GALNTL6: variants seen among roughly 807,000 people sequenced by gnomAD.
The protein encoded by GALNTL6 is polypeptide N-acetylgalactosaminyltransferase-like 6.
Under a neutral mutation model 73.7 loss-of-function variants are expected in GALNTL6, and 46 were observed. The observed-to-expected ratio is 0.62, with a 90% confidence interval of 0.49 to 0.80. The LOEUF is 0.80. Ranked by LOEUF, GALNTL6 falls within the 30% of genes least tolerant of loss-of-function variation. The probability of loss-of-function intolerance (pLI) is 0.00; values close to 1 mark genes in which losing one functional copy is unlikely to be tolerated. For missense variants in GALNTL6, 604 were observed against 755.0 expected, an observed-to-expected ratio of 0.80 and a Z score of 2.34; for synonymous variants, 259 against 263.7, an observed-to-expected ratio of 0.98 and a Z score of 0.17.
chr4:171,966,253 T>C (rs1383525727), intron 2 of GALNTL6, among the ~76,000 whole-genome samples: 2 of 152,148 alleles, frequency 1.3e-5, no homozygotes, highest in East Asian at 3.9e-4. Context: ...GCTGAATAGG[T>C]TTCTAAGACC....
chr4:172,023,993 A>T (rs1335879434), intron 2 of GALNTL6, among the ~76,000 whole-genome samples: 1 of 151,924 alleles, frequency 6.6e-6, no homozygotes, highest in Admixed American at 6.6e-5. Flanking sequence ...TCATTCATTT[A>T]AAAAATATAT....
intron 5 of GALNTL6, among the ~76,000 whole-genome samples, chr4:172,438,814 C>G (rs1731729562): frequency 1.3e-5 from 2 of 152,022 alleles, no homozygotes; most frequent in Non-Finnish European, 2.9e-5. Context: ...TACTTCTCGA[C>G]TTACCCACAC....
At chr4:172,328,027 C>T (rs920249783) in intron 4 of GALNTL6, among the ~76,000 whole-genome samples, 6 of 152,000 alleles carry the variant, frequency 3.9e-5, no homozygotes, top group African/African-American at 7.3e-5. Context: ...TGCTAACAAT[C>T]TTCCCTTTTC....
At chr4:172,481,044 G>A (rs1054568344) in intron 5 of GALNTL6, among the ~76,000 whole-genome samples, 8 of 152,198 alleles carry the variant, frequency 5.3e-5, no homozygotes, top group South Asian at 2.1e-4. Flanking sequence ...GAATGAAGCC[G>A]TGGACTATCG....
intron 2 of GALNTL6, among the ~76,000 whole-genome samples, chr4:172,055,306 T>G (rs975214005): frequency 6.6e-6 from 1 of 152,128 alleles, no homozygotes; most frequent in Non-Finnish European, 1.5e-5. Flanking sequence ...AGTGGGCATT[T>G]GGTTGTATTA....
At chr4:172,314,540 A>T (rs1229977114) in intron 4 of GALNTL6, among the ~76,000 whole-genome samples, 1 of 150,076 alleles carries the variant, frequency 6.7e-6, no homozygotes, top group African/African-American at 2.5e-5. Flanking sequence ...TGTAGTGCAC[A>T]TTCTAGTACA....
intron 2 of GALNTL6, among the ~76,000 whole-genome samples, chr4:172,219,269 T>A (rs1736599378): frequency 7.0e-6 from 1 of 142,184 alleles, no homozygotes; most frequent in South Asian, 2.2e-4. Context: ...AACCGTTATT[T>A]TAAGTAATTT....
At chr4:172,870,052 G>GTCATCATCA (rs55936018) in intron 7 of GALNTL6, among the ~76,000 whole-genome samples, 23 of 143,056 alleles carry the variant, frequency 1.6e-4, no homozygotes, top group East Asian at 1.4e-3. Flanking sequence ...GACCTTTACT[G>GTCATCATCA]TCATCATCAT....
chr4:172,356,268 G>A (rs913158879), intron 5 of GALNTL6, among the ~76,000 whole-genome samples: 3 of 152,168 alleles, frequency 2.0e-5, no homozygotes, highest in South Asian at 4.1e-4. Flanking sequence ...TATGCATGTT[G>A]GGCTTCAGAT....
At chr4:171,921,266 TACTG>T (rs1215943680) in intron 2 of GALNTL6, among the ~76,000 whole-genome samples, 12 of 152,062 alleles carry the variant, frequency 7.9e-5, no homozygotes, top group African/African-American at 2.7e-4. Flanking sequence ...AGTAAATACT[TACTG>T]ACTATGTGTC....
chr4:172,807,067 T>C (rs1490910853), intron 5 of GALNTL6, among the ~76,000 whole-genome samples: 2 of 152,196 alleles, frequency 1.3e-5, no homozygotes, highest in Non-Finnish European at 2.9e-5. Context: ...CATTTTTGTC[T>C]TCTTTAGTCC....
chr4:172,704,270 G>T (rs1734197465), intron 5 of GALNTL6, among the ~76,000 whole-genome samples: 1 of 151,540 alleles, frequency 6.6e-6, no homozygotes, highest in Admixed American at 6.6e-5. Context: ...GTTTTTTGAG[G>T]TACATCATTA....
intron 3 of GALNTL6, among the ~76,000 whole-genome samples, chr4:172,234,502 G>A (rs759901713): frequency 3.9e-5 from 6 of 152,100 alleles, no homozygotes; most frequent in Non-Finnish European, 7.4e-5. Flanking sequence ...TTTGCTGAGA[G>A]TTTGTGACTT....
chr4:172,855,435 T>A (rs555613552), intron 7 of GALNTL6, among the ~76,000 whole-genome samples: 1 of 152,264 alleles, frequency 6.6e-6, no homozygotes, highest in African/African-American at 2.4e-5. Flanking sequence ...AAGAAGTAAA[T>A]AATAAATAGT....
At chr4:172,473,428 C>A (rs1377076900) in intron 5 of GALNTL6, among the ~76,000 whole-genome samples, 2 of 152,110 alleles carry the variant, frequency 1.3e-5, no homozygotes, top group African/African-American at 4.8e-5. Flanking sequence ...GTTTTGGATT[C>A]TTCTGCCATT....
rs78271757 is a variant in GALNTL6 at position 172,214,098 on chromosome 4, C to T, written c.139-15558C>T. Among the ~76,000 whole-genome samples the T allele has an allele frequency of 7.4e-3, 1,126 of 152,222 alleles. 13 individuals are homozygous for T. Among genetic ancestry groups the T allele is most frequent in the African/African-American group, 0.026 (1,062 of 41,536 alleles). ...TTGTCTTTGTTTCATTGTCAGAGATCGGTGGACTATGTTTGTGCATGTTTA... is the reference window on the plus strand; with the variant it reads ...TTGTCTTTGTTTCATTGTCAGAGATTGGTGGACTATGTTTGTGCATGTTTA... On this transcript the variant is annotated intron_variant, in intron 2 of 12. Transcript: ENST00000506823.
intron 2 of GALNTL6, among the ~76,000 whole-genome samples, chr4:171,974,584 A>C (rs571681477): frequency 6.6e-6 from 1 of 152,324 alleles, no homozygotes; most frequent in South Asian, 2.1e-4. Context: ...TTCATTTCTC[A>C]ATTTTATTTT....
chr4:172,117,992 G>T (rs962521965), intron 2 of GALNTL6, among the ~76,000 whole-genome samples: 2 of 152,038 alleles, frequency 1.3e-5, no homozygotes, highest in African/African-American at 4.8e-5. Context: ...TAGGGTTATG[G>T]GTTATCTGGG....
chr4:172,162,773 A>G (rs1734512826), intron 2 of GALNTL6, among the ~76,000 whole-genome samples: 1 of 152,076 alleles, frequency 6.6e-6, no homozygotes, highest in Admixed American at 6.6e-5. Context: ...TCAGCTTTTC[A>G]GACTTCTGAC....
Sources: gnomAD v4.1 joint callset for allele counts (sites outside exome capture counted in the v4.1 genomes callset) on GRCh38, gnomAD v4.1.1 for gene constraint, MANE v1.5 for transcripts, NCBI Gene and HGNC (gene_info 2026-07-23, HGNC 2026-07-21) for gene names.